The following PIK3CB variants were observed in gnomAD, a reference collection of about 807,000 sequenced individuals.
PIK3CB encodes the protein phosphatidylinositol 4,5-bisphosphate 3-kinase catalytic subunit beta isoform.
A neutral mutation model predicts 136.8 loss-of-function variants in PIK3CB; 39 were observed. The observed-to-expected ratio is 0.29, with a 90% CI of 0.22 to 0.37. The LOEUF is 0.37. PIK3CB is among the 10% of genes least tolerant of loss of function. PIK3CB has a pLI of 1.00. For synonymous variants in PIK3CB, 428 were observed against 436.6 expected (o/e 0.98, Z 0.25); for missense variants, 868 against 1,275.4 (o/e 0.68, Z 4.87).
At chr3:138,676,919 A>G (rs2607109) in intron 19 of PIK3CB, among the ~76,000 whole-genome samples, 126,849 of 152,188 alleles carry the variant, frequency 0.83, 53,561 homozygotes, top group East Asian at 0.99. Flanking sequence ...AATTAATTGT[A>G]GTGATGGTTG....
intron 4 of PIK3CB, among the ~76,000 whole-genome samples, chr3:138,747,294 T>C (rs2045380799): frequency 6.6e-6 from 1 of 151,308 alleles, no homozygotes; most frequent in Non-Finnish European, 1.5e-5. Flanking sequence ...TCCCACAGTG[T>C]TATTCAAGGT....
At chr3:138,735,554 G>T (rs574039419) in intron 6 of PIK3CB, among the ~76,000 whole-genome samples, 4 of 152,108 alleles carry the variant, frequency 2.6e-5, no homozygotes, top group Non-Finnish European at 5.9e-5. Context: ...TCCCTGAGAT[G>T]GCCCCTTTCC....
chr3:138,674,605 A>G (rs2043606769), intron 19 of PIK3CB, among the ~76,000 whole-genome samples: 2 of 152,254 alleles, frequency 1.3e-5, no homozygotes, highest in South Asian at 4.1e-4. Context: ...GGCAAAAAGT[A>G]TGTGACATAC....
chr3:138,813,742 C>A (rs1322166723), intron 1 of PIK3CB, among the ~76,000 whole-genome samples: 2 of 152,076 alleles, frequency 1.3e-5, no homozygotes, highest in Non-Finnish European at 1.5e-5. Context: ...CTATACCAGG[C>A]ATTATGTCAA....
At chr3:138,684,047 G>A (rs1332241865) in intron 17 of PIK3CB, among the ~76,000 whole-genome samples, 2 of 152,060 alleles carry the variant, frequency 1.3e-5, no homozygotes, top group Admixed American at 6.5e-5. Flanking sequence ...TCCTTCTCTC[G>A]TTTCCTTTTA....
At chr3:138,726,393 G>C (rs893352837) in intron 8 of PIK3CB, among the ~76,000 whole-genome samples, 44 of 152,148 alleles carry the variant, frequency 2.9e-4, no homozygotes, top group Non-Finnish European at 4.0e-4. Context: ...CACTAGGGGG[G>C]TGAGGGAAGG....
chr3:138,773,307 C>G (rs995866448), intron 2 of PIK3CB, among the ~76,000 whole-genome samples: 7 of 151,946 alleles, frequency 4.6e-5, no homozygotes, highest in Non-Finnish European at 1.0e-4. Flanking sequence ...AGGAGAATCA[C>G]TTTAACCTGG....
chr3:138,808,703 G>T (rs912135326), intron 1 of PIK3CB, among the ~76,000 whole-genome samples: 1 of 150,574 alleles, frequency 6.6e-6, no homozygotes, highest in Non-Finnish European at 1.5e-5. Context: ...AAAATTAGGA[G>T]AAAATCTAGG....
intron 5 of PIK3CB, 55 bp downstream of exon 5, chr3:138,742,503 C>A (rs754979380): frequency 2.4e-6 from 2 of 839,638 alleles, no homozygotes; most frequent in Non-Finnish European, 3.8e-6. Flanking sequence ...CAGTTGTATT[C>A]GGGTAAAAAT....
At chr3:138,712,454 A>G in intron 9 of PIK3CB, 150 bp from the exon 10 acceptor site, 1 of 429,928 alleles carries the variant, frequency 2.3e-6, no homozygotes, top group South Asian at 7.1e-5. Flanking sequence ...ATATACATAG[A>G]AAAATGCTCA....
rs188184000 is a variant in PIK3CB, at chr3:138,812,385, C to T, written c.-121-15818G>A. Reference sequence around the variant, plus strand: ...CCAAGTAGCTGGGACTACAGGCACGCGCCACCACTCCTGGCTAATTTTTGT... The same window carrying T: ...CCAAGTAGCTGGGACTACAGGCACGTGCCACCACTCCTGGCTAATTTTTGT... On this transcript the variant is annotated intron_variant, in intron 1 of 23. Coordinates refer to ENST00000674063, the MANE Select transcript of PIK3CB (RefSeq NM_006219.3). 6.8e-4 allele frequency among the ~76,000 whole-genome samples: 99 copies of T among 145,956 alleles called. 1 individual carries two copies. Among genetic ancestry groups the T allele is most frequent in the African/African-American group, 2.3e-3 (92 of 39,458 alleles).
intron 11 of PIK3CB, 79 bp downstream of exon 11, chr3:138,707,080 G>C: frequency 1.1e-6 from 1 of 911,770 alleles, no homozygotes; most frequent in South Asian, 1.4e-5. Flanking sequence ...GAAAGAGACA[G>C]ATAGAGCTTA....
At chr3:138,723,569 A>G (rs1236294730) in intron 8 of PIK3CB, among the ~76,000 whole-genome samples, 1 of 152,064 alleles carries the variant, frequency 6.6e-6, no homozygotes, top group Non-Finnish European at 1.5e-5. Flanking sequence ...AATAATAATC[A>G]TGCTTTATAC....
intron 7 of PIK3CB, among the ~76,000 whole-genome samples, chr3:138,733,694 C>T (rs1047661442): frequency 2.0e-5 from 3 of 151,934 alleles, no homozygotes; most frequent in Non-Finnish European, 4.4e-5. Flanking sequence ...CTGGCTAACA[C>T]GGTGAAACCC....
intron 15 of PIK3CB, 43 bp downstream of exon 15, chr3:138,690,957 C>T (rs2108505840): frequency 1.3e-6 from 2 of 1,505,080 alleles, no homozygotes; most frequent in East Asian, 2.3e-5. Context: ...TTTATAGTTA[C>T]TAAAGCACCT....
At chr3:138,661,982 T>C (rs990344342) in intron 21 of PIK3CB, among the ~76,000 whole-genome samples, 1 of 152,182 alleles carries the variant, frequency 6.6e-6, no homozygotes, top group Non-Finnish European at 1.5e-5. Flanking sequence ...CTAGATTCCC[T>C]AGGTACCCCA....
intron 1 of PIK3CB, among the ~76,000 whole-genome samples, chr3:138,801,978 G>A (rs1469732809): frequency 6.6e-6 from 1 of 151,748 alleles, no homozygotes; most frequent in African/African-American, 2.4e-5. Flanking sequence ...CATAGTTCAA[G>A]GCTGCAGTGA....
At chr3:138,774,036 G>T (rs1032210166) in intron 2 of PIK3CB, among the ~76,000 whole-genome samples, 9 of 152,160 alleles carry the variant, frequency 5.9e-5, no homozygotes, top group Non-Finnish European at 1.3e-4. Flanking sequence ...ACCTTCTCTA[G>T]CCTTTGAAGA....
intron 3 of PIK3CB, 141 bp from the exon 4 acceptor site, chr3:138,756,120 A>C (rs2045562198): frequency 4.2e-6 from 2 of 471,314 alleles, no homozygotes; most frequent in Non-Finnish European, 7.5e-6. Flanking sequence ...AGATTGGTTA[A>C]ATGAATTATA....
Sources: gnomAD v4.1 joint callset for allele counts (sites outside exome capture counted in the v4.1 genomes callset) on GRCh38, gnomAD v4.1.1 for gene constraint, MANE v1.5 for transcripts, NCBI Gene and HGNC (gene_info 2026-07-23, HGNC 2026-07-21) for gene names.